DIS3L2: variants seen among roughly 807,000 people sequenced by gnomAD.
DIS3L2 encodes the protein DIS3-like exonuclease 2.
A neutral mutation model predicts 97.5 loss-of-function variants in DIS3L2; 34 were observed. The ratio of observed to expected loss-of-function variants is 0.35; its 90% confidence interval spans 0.27 to 0.46. DIS3L2 has a LOEUF of 0.46. DIS3L2 is among the 20% of genes least tolerant of loss of function. DIS3L2 has a pLI of 1.00. For synonymous variants in DIS3L2, 435 were observed against 445.2 expected, an observed-to-expected ratio of 0.98 and a Z score of 0.29; for missense variants, 1,038 against 1,146.0, an observed-to-expected ratio of 0.91 and a Z score of 1.36.
intron 10 of DIS3L2, among the ~76,000 whole-genome samples, chr2:232,217,383 T>G (rs1028889339): frequency 6.6e-6 from 1 of 152,170 alleles, no homozygotes; most frequent in Non-Finnish European, 1.5e-5. Flanking sequence ...CTTGGGTGCT[T>G]TTTTGCCATA....
In DIS3L2 at chr2:231,978,691, G is replaced by A. The variant is rs147889570; in HGVS notation, c.-94+16926G>A. 60 of 152,328 alleles carry A rather than the reference G, an allele frequency of 3.9e-4. 1 individual carries two copies. The highest frequency in any genetic ancestry group is 1.4e-3 in the African/African-American group (58 of 41,570). The allele number at this position is 152,328 out of a possible 1,614,324, so 9.4% of individuals were successfully genotyped here. A position where few individuals can be genotyped will look rare whatever the true frequency, so the allele number is the denominator to read the frequency against. On this transcript the variant is annotated intron_variant, in intron 1 of 20. Coordinates refer to ENST00000325385, the MANE Select transcript of DIS3L2 (RefSeq NM_152383.5). ...CCATTGCAGAGGAGCTCTTCAAGGG[G>A]GTGTTAGCTTTTTCCTCTTTTACCT...
intron 10 of DIS3L2, among the ~76,000 whole-genome samples, chr2:232,218,422 G>A (rs1692405108): frequency 6.6e-6 from 1 of 152,166 alleles, no homozygotes; most frequent in South Asian, 2.1e-4. Flanking sequence ...CAGCCTCCGA[G>A]GTGTGGGAAC....
At chr2:232,072,393 T>C (rs779352728) in intron 5 of DIS3L2, among the ~76,000 whole-genome samples, 4 of 152,252 alleles carry the variant, frequency 2.6e-5, no homozygotes, top group Non-Finnish European at 5.9e-5. Context: ...GAAGCTGTCC[T>C]TATGGAGATC....
chr2:232,015,472 A>T, intron 2 of DIS3L2, 42 bp from the exon 3 acceptor site: 1 of 1,596,862 alleles, frequency 6.3e-7, no homozygotes, highest in Non-Finnish European at 8.5e-7. Context: ...AAAAATACAC[A>T]GATGTTTGAG....
intron 13 of DIS3L2, among the ~76,000 whole-genome samples, chr2:232,289,242 GTTTT>G (rs1694531634): frequency 6.6e-6 from 1 of 150,704 alleles, no homozygotes; most frequent in Admixed American, 6.6e-5. Flanking sequence ...AGAGTTTTTT[GTTTT>G]TTGTTTTTTT....
At chr2:232,228,697 A>G (rs1187823433) in intron 10 of DIS3L2, among the ~76,000 whole-genome samples, 1 of 152,196 alleles carries the variant, frequency 6.6e-6, no homozygotes, top group Non-Finnish European at 1.5e-5. Flanking sequence ...TGTGCTGGGA[A>G]GTCAAGAGGT....
At chr2:232,147,689 G>A (rs1187295955) in intron 8 of DIS3L2, among the ~76,000 whole-genome samples, 1 of 152,124 alleles carries the variant, frequency 6.6e-6, no homozygotes, top group African/African-American at 2.4e-5. Context: ...TACTTAGAAA[G>A]TTGTAACATT....
rs1452668199 is a variant in DIS3L2 at position 232,330,846 on chromosome 2, G to T, written c.2010+70G>T. On this transcript the variant is annotated intron_variant, in intron 16 of 20. Coordinates refer to ENST00000325385, the MANE Select transcript of DIS3L2 (RefSeq NM_152383.5). ...CTAGCCCCAGACCTGTGACCTCCAC[G>T]TGCAAGCACAGGCCCCCACCGTTCC... is the stretch of plus-strand genomic sequence containing the variant. The T allele has an allele frequency of 4.8e-6, 7 of 1,461,770 alleles. No individual in the cohort carries two copies. The African/African-American group carries it at 5.6e-5, about 12-fold the overall frequency. The allele number at this position is 1,461,770 out of a possible 1,614,324, so 90.5% of individuals were successfully genotyped here.
At chr2:232,203,550 T>TC (rs1691952339) in intron 9 of DIS3L2, among the ~76,000 whole-genome samples, 1 of 152,220 alleles carries the variant, frequency 6.6e-6, no homozygotes, top group Admixed American at 6.5e-5. Context: ...GGTCGTTTTT[T>TC]CATTCATCTG....
intron 6 of DIS3L2, among the ~76,000 whole-genome samples, chr2:232,088,878 G>A (rs1397350598): frequency 6.6e-6 from 1 of 152,132 alleles, no homozygotes; most frequent in Non-Finnish European, 1.5e-5. Flanking sequence ...TAGCCAAATC[G>A]AATTTTATGT....
intron 6 of DIS3L2, among the ~76,000 whole-genome samples, chr2:232,120,772 T>C (rs912678713): frequency 1.8e-4 from 28 of 152,122 alleles, no homozygotes; most frequent in Admixed American, 1.8e-3. Context: ...AGCCACTAGA[T>C]TTACAAATGG....
intron 6 of DIS3L2, among the ~76,000 whole-genome samples, chr2:232,115,617 A>G (rs754020823): frequency 6.6e-6 from 1 of 152,036 alleles, no homozygotes. Context: ...GAGGGAGTTG[A>G]TTGGATCATG....
chr2:232,314,954 A>G (rs1416105051), intron 14 of DIS3L2, among the ~76,000 whole-genome samples: 2 of 152,118 alleles, frequency 1.3e-5, no homozygotes, highest in African/African-American at 2.4e-5. Flanking sequence ...TCCTGGAATG[A>G]CTCGTTTCTC....
intron 10 of DIS3L2, among the ~76,000 whole-genome samples, chr2:232,221,525 TG>T (rs1386889160): frequency 6.6e-6 from 1 of 152,188 alleles, no homozygotes; most frequent in Admixed American, 6.5e-5. Context: ...AAATTCCAGC[TG>T]GGCACAGTGG....
intron 14 of DIS3L2, among the ~76,000 whole-genome samples, chr2:232,317,180 G>C (rs558405360): frequency 2.0e-5 from 3 of 152,330 alleles, no homozygotes; most frequent in Non-Finnish European, 4.4e-5. Context: ...CCTCGCCCAG[G>C]CAGTAAGTGC....
At position 232,024,499 on chromosome 2, in the gene DIS3L2, A is replaced by G. The variant is rs374035369; in HGVS notation, c.264+169A>G. Among the ~76,000 whole-genome samples, 7 of 152,148 alleles carry G rather than the reference A, an allele frequency of 4.6e-5. No individual in the cohort carries two copies. In the East Asian group the frequency reaches 1.3e-3, roughly 29 times the overall value. On this transcript the variant is annotated intron_variant, in intron 4 of 20. Coordinates refer to ENST00000325385, the MANE Select transcript of DIS3L2 (RefSeq NM_152383.5). ...AAACTAAATTTTCTTTTGGTTAACA[A>G]CCCCTTCTGTCAGTCTTAAAATCGC...
At chr2:232,220,772 G>A (rs1299212736) in intron 10 of DIS3L2, among the ~76,000 whole-genome samples, 3 of 152,048 alleles carry the variant, frequency 2.0e-5, no homozygotes, top group East Asian at 1.9e-4. Context: ...GTAGCAGATA[G>A]ATCTTAATGC....
intron 16 of DIS3L2, among the ~76,000 whole-genome samples, chr2:232,333,186 C>CCCATGCTGGGGAAGGGTAGGCCAGAGACT: frequency 6.3e-5 from 1 of 15,984 alleles, no homozygotes; most frequent in African/African-American, 2.2e-4. Flanking sequence ...GCCTCCTCCT[C>CCCATGCTGGGGAAGGGTAGGCCAGAGACT]CTCCTCCTCC....
intron 14 of DIS3L2, among the ~76,000 whole-genome samples, chr2:232,326,605 T>G (rs1346892114): frequency 1.3e-5 from 2 of 151,278 alleles, no homozygotes; most frequent in African/African-American, 4.9e-5. Flanking sequence ...TCAAACATCA[T>G]GGCCAAGGCT....
Sources: gnomAD v4.1 joint callset for allele counts (sites outside exome capture counted in the v4.1 genomes callset) on GRCh38, gnomAD v4.1.1 for gene constraint, MANE v1.5 for transcripts, NCBI Gene and HGNC (gene_info 2026-07-23, HGNC 2026-07-21) for gene names.